The following SCN7A variants were observed in gnomAD, a reference collection of about 807,000 sequenced individuals.
SCN7A encodes sodium channel protein type 7 subunit alpha.
A neutral mutation model predicts 155.2 loss-of-function variants in SCN7A; 138 were observed. The observed-to-expected ratio is 0.89, with a 90% confidence interval of 0.77 to 1.02. The LOEUF is 1.02. Ranked by LOEUF, SCN7A falls within the 50% of genes least tolerant of loss-of-function variation. The pLI is 0.00. For missense variants in SCN7A, 2,058 were observed against 1,986.6 expected, an observed-to-expected ratio of 1.04 and a Z score of -0.68; for synonymous variants, 693 against 649.0, an observed-to-expected ratio of 1.07 and a Z score of -1.03.
chr2:166,417,516 T>C (rs890282208), intron 20 of SCN7A, among the ~76,000 whole-genome samples: 1 of 151,908 alleles, frequency 6.6e-6, no homozygotes, highest in East Asian at 1.9e-4. Context: ...ATTCTTAAAA[T>C]GTTTGTACTA....
chr2:166,452,373 TTTCTA>T (rs147889418), intron 11 of SCN7A, among the ~76,000 whole-genome samples: 16,398 of 152,070 alleles, frequency 0.11, 1,176 homozygotes, highest in African/African-American at 0.19. Context: ...TATTTTGTGT[TTTCTA>T]TTCCATAATA....
chr2:166,491,008 G>A (rs1398128821), intron 1 of SCN7A, among the ~76,000 whole-genome samples: 1 of 152,146 alleles, frequency 6.6e-6, no homozygotes, highest in African/African-American at 2.4e-5. Context: ...GAGTAGATAT[G>A]GGCAAGAGCC....
chr2:166,443,728 A>C, intron 13 of SCN7A, 52 bp from the exon 14 acceptor site: 1 of 1,314,118 alleles, frequency 7.6e-7, no homozygotes, highest in Non-Finnish European at 1.0e-6. Flanking sequence ...TAGCTGTATC[A>C]GAATCTTCAC....
rs371315610 is a variant in SCN7A, at chr2:166,414,923, ATAT to A, written c.3414+1781_3414+1783del. ...TATTATATAGGATAATATATAATAT[ATAT>A]TATTATATAGGATAATATATAATAT... is the stretch of plus-strand genomic sequence containing the variant. On this transcript the variant is annotated intron_variant, in intron 21 of 25. Transcript: ENST00000643258. Among the ~76,000 whole-genome samples, 152 of 37,534 alleles carry A rather than the reference ATAT, an allele frequency of 4.0e-3. 5 individuals are homozygous for A. Among genetic ancestry groups the A allele is most frequent in the South Asian group, 7.9e-3 (9 of 1,146 alleles). 24.6% of individuals were successfully genotyped at this position (37,534 alleles called of 152,430 possible).
At chr2:166,413,169 A>G (rs969802998) in intron 21 of SCN7A, 48 bp from the exon 22 acceptor site, 47 of 1,166,632 alleles carry the variant, frequency 4.0e-5, no homozygotes, top group Non-Finnish European at 5.6e-5. Flanking sequence ...GGCAAATAAA[A>G]AGTAAAATCT....
rs1231223276 is a variant in SCN7A at position 166,462,420 on chromosome 2, G to T, written c.1052C>A (p.Ala351Asp). ...WALFALFRLMAQDYPEVLYHQ... is the reference protein window; with the variant it reads ...WALFALFRLMDQDYPEVLYHQ... The stretch of plus-strand genomic sequence containing the variant: ...ATAAAGTACTTCAGGGTAATCCTGA[G>T]CCATTAACCGAAATAGGGCAAATAA... The change falls in exon 10 of 26, where the codon GCT becomes GAT. Residue 351 changes from alanine (A) to aspartate (D), a missense_variant. By Grantham distance (126) the Ala-to-Asp change is moderately radical (BLOSUM62 -2). Coordinates refer to ENST00000643258, the MANE Select transcript of SCN7A (RefSeq NM_002976.4). The T allele has an allele frequency of 1.2e-6, 2 of 1,602,820 alleles. No homozygotes were observed. Among genetic ancestry groups the T allele is most frequent in the Non-Finnish European group, 1.7e-6 (2 of 1,174,134 alleles).
chr2:166,450,125 TC>T (rs1288835926), intron 11 of SCN7A, among the ~76,000 whole-genome samples: 1 of 152,154 alleles, frequency 6.6e-6, no homozygotes, highest in African/African-American at 2.4e-5. Flanking sequence ...ACTATACCAC[TC>T]TAAAGAAGAA....
At chr2:166,416,566 G>T in intron 21 of SCN7A, 141 bp downstream of exon 21, 2 of 717,096 alleles carry the variant, frequency 2.8e-6, no homozygotes, top group Middle Eastern at 4.0e-4. Context: ...CCCGATAGTT[G>T]TATGTCCCAT....
Position 166,474,306 on chromosome 2 carries a change from T to C in SCN7A, c.273A>G (p.Arg91=). The C allele has an allele frequency of 6.5e-7, 1 of 1,527,790 alleles. No homozygotes were observed. The highest frequency in any genetic ancestry group is 1.4e-5 in the African/African-American group (1 of 72,164). 94.6% of individuals were successfully genotyped at this position (1,527,790 alleles called of 1,614,324 possible). ...TACACAAGATGGAAGCCGCATTGAA[T>C]CTGAAGATTGTTCTATTTTTATTTA... ...IVLNKNRTIF[R]FNAASILCTL... The change falls in exon 4 of 26, where the codon AGA becomes AGG. Residue 91 remains arginine, a synonymous_variant. Coordinates refer to ENST00000643258, the MANE Select transcript of SCN7A (RefSeq NM_002976.4).
intron 20 of SCN7A, among the ~76,000 whole-genome samples, chr2:166,419,581 C>G (rs1319918841): frequency 1.3e-5 from 2 of 151,790 alleles, no homozygotes; most frequent in Non-Finnish European, 2.9e-5. Context: ...TACCCGGGCT[C>G]GTCTCAAACT....
At chr2:166,435,565 A>T (rs1701822126) in intron 15 of SCN7A, among the ~76,000 whole-genome samples, 1 of 152,140 alleles carries the variant, frequency 6.6e-6, no homozygotes, top group Non-Finnish European at 1.5e-5. Context: ...TGAAAGAGGA[A>T]GAAAGTTCAA....
chr2:166,479,449 G>A (rs1702872094), intron 2 of SCN7A, among the ~76,000 whole-genome samples: 1 of 152,036 alleles, frequency 6.6e-6, no homozygotes, highest in Admixed American at 6.6e-5. Flanking sequence ...ATGTTCTGTG[G>A]AAAATAAAAA....
At chr2:166,407,410 T>C (rs1269757486) in intron 25 of SCN7A, among the ~76,000 whole-genome samples, 1 of 151,990 alleles carries the variant, frequency 6.6e-6, no homozygotes, top group Admixed American at 6.6e-5. Context: ...TATTTTGAGT[T>C]GAGAAGGTAG....
chr2:166,413,144 A>C, intron 21 of SCN7A, 23 bp from the exon 22 acceptor site: 1 of 1,387,300 alleles, frequency 7.2e-7, no homozygotes, highest in Non-Finnish European at 9.8e-7. Context: ...AATGCATTTA[A>C]AATTTATGCT....
At position 166,405,235 on chromosome 2, in the gene SCN7A, C is replaced by T. The variant is rs1404738757; in HGVS notation, c.*345G>A. The stretch of plus-strand genomic sequence containing the variant: ...GTGACTTAAAGCCCATTAAATTATA[C>T]ATAAAATATAAAAGAAAGCCCCTGC... On this transcript the variant is annotated 3_prime_UTR_variant, in exon 26 of 26. Coordinates refer to ENST00000643258, the MANE Select transcript of SCN7A (RefSeq NM_002976.4). The T allele has an allele frequency of 5.2e-6, 1 of 192,102 alleles. No homozygotes were observed. Among genetic ancestry groups the T allele is most frequent in the African/African-American group, 2.3e-5 (1 of 42,986 alleles). 11.9% of individuals were successfully genotyped at this position (192,102 alleles called of 1,614,324 possible).
At chr2:166,479,690 A>G (rs559454059) in intron 2 of SCN7A, among the ~76,000 whole-genome samples, 4 of 152,302 alleles carry the variant, frequency 2.6e-5, no homozygotes, top group South Asian at 2.1e-4. Context: ...TCTCAAAAAA[A>G]AGGTAAACAG....
At chr2:166,451,102 T>C (rs535578799) in intron 11 of SCN7A, among the ~76,000 whole-genome samples, 194 of 152,282 alleles carry the variant, frequency 1.3e-3, no homozygotes, top group African/African-American at 4.3e-3. Context: ...ACAATGTTTG[T>C]TGGAATCGCA....
At chr2:166,458,350 T>G (rs1702330767) in intron 10 of SCN7A, among the ~76,000 whole-genome samples, 11 of 151,020 alleles carry the variant, frequency 7.3e-5, no homozygotes, top group Admixed American at 7.3e-4. Context: ...AAAAGTACCC[T>G]TTAGGCCATG....
Position 166,458,148 on chromosome 2 carries a change from A to G in SCN7A, c.1084-1072T>C, listed in dbSNP as rs939422978. 3.0e-4 allele frequency among the ~76,000 whole-genome samples: 46 copies of G among 152,192 alleles called. No individual in the cohort carries two copies. The East Asian group carries it at 3.1e-3, about 10-fold the overall frequency. On this transcript the variant is annotated intron_variant, in intron 10 of 25. Transcript: ENST00000643258. ...GAATAGGTATTATAAAGTACATTGC[A>G]AATCCCATCTCTACTAAAAATACAA...
Sources: gnomAD v4.1 joint callset for allele counts (sites outside exome capture counted in the v4.1 genomes callset) on GRCh38, gnomAD v4.1.1 for gene constraint, MANE v1.5 for transcripts, NCBI Gene and HGNC (gene_info 2026-07-23, HGNC 2026-07-21) for gene names.